The following KIAA1217 variants were observed in gnomAD, a reference collection of about 807,000 sequenced individuals.
The protein encoded by KIAA1217 is sickle tail protein homolog.
In KIAA1217, 88 loss-of-function variants were observed where a neutral mutation model predicts 163.9. The observed-to-expected ratio is 0.54, with a 90% confidence interval of 0.45 to 0.64. KIAA1217 has a LOEUF of 0.64. KIAA1217 is among the 30% of genes least tolerant of loss of function. The pLI is 0.00. For synonymous variants in KIAA1217, 903 were observed against 923.1 expected (o/e 0.98, Z 0.39); for missense variants, 2,372 against 2,475.0 (o/e 0.96, Z 0.88).
intron 2 of KIAA1217, among the ~76,000 whole-genome samples, chr10:24,155,607 G>A (rs957228249): frequency 8.5e-5 from 13 of 152,114 alleles, no homozygotes; most frequent in Non-Finnish European, 1.6e-4. Flanking sequence ...GATCACCTGA[G>A]GTCAGGAGTT....
rs779992994 is a variant in KIAA1217, at chr10:24,473,755, T to C, written c.1374T>C (p.Tyr458=). 3 of 1,613,852 alleles carry C rather than the reference T, an allele frequency of 1.9e-6. No individual in the cohort carries two copies. The highest frequency in any genetic ancestry group is 2.2e-5 in the South Asian group (2 of 91,076). ...QSLYRQKSRK[Y]PDSHLPTLGS... ...TGTACAGACAGAAATCAAGGAAATA[T>C]CCGGATAGCCATTTGCCTACACTGG... is the stretch of plus-strand genomic sequence containing the variant. The change falls in exon 6 of 21, where the codon TAT becomes TAC. Residue 458 remains tyrosine, a synonymous_variant. Coordinates refer to ENST00000376454, the MANE Select transcript of KIAA1217 (RefSeq NM_019590.5).
chr10:24,437,628 T>C (rs1218146226), intron 4 of KIAA1217, among the ~76,000 whole-genome samples: 1 of 152,240 alleles, frequency 6.6e-6, no homozygotes, highest in Non-Finnish European at 1.5e-5. Flanking sequence ...TAGATATTCA[T>C]GTGCTCTTCG....
chr10:24,417,561 G>A (rs1591762385), intron 3 of KIAA1217, among the ~76,000 whole-genome samples: 1 of 152,180 alleles, frequency 6.6e-6, no homozygotes, highest in African/African-American at 2.4e-5. Context: ...ATTTCCACGA[G>A]AGCATAGACT....
At chr10:24,133,319 C>T (rs2063721720) in intron 2 of KIAA1217, among the ~76,000 whole-genome samples, 1 of 152,136 alleles carries the variant, frequency 6.6e-6, no homozygotes, top group African/African-American at 2.4e-5. Context: ...ATGCTATAAT[C>T]TCAGCATTTT....
chr10:24,429,394 G>A (rs2059413330), intron 3 of KIAA1217, among the ~76,000 whole-genome samples: 1 of 152,076 alleles, frequency 6.6e-6, no homozygotes, highest in Non-Finnish European at 1.5e-5. Context: ...TATTGTTTTG[G>A]AAAACTCTGT....
rs531465424 is a variant in KIAA1217 at position 24,472,585 on chromosome 10, A to C, written c.847-643A>C. Among the ~76,000 whole-genome samples the C allele has an allele frequency of 7.2e-5, 11 of 152,318 alleles. No homozygotes were observed. In the South Asian group the frequency reaches 2.3e-3, roughly 32 times the overall value. On this transcript the variant is annotated intron_variant, in intron 5 of 20. Transcript: ENST00000376454. ...GCATTTATTAAGCAGCATCTCTAAG[A>C]AGCTGTGACATTAAAATTTAAGCCA...
chr10:24,417,398 G>A (rs1046039563), intron 3 of KIAA1217, among the ~76,000 whole-genome samples: 2 of 152,186 alleles, frequency 1.3e-5, no homozygotes, highest in African/African-American at 4.8e-5. Context: ...ATAGCTGCCC[G>A]TGAGCAGTGT....
intron 1 of KIAA1217, among the ~76,000 whole-genome samples, chr10:23,936,523 A>G (rs1843533779): frequency 6.6e-6 from 1 of 152,184 alleles, no homozygotes; most frequent in Non-Finnish European, 1.5e-5. Flanking sequence ...AAAGGAAGCA[A>G]AGGGAGATTC....
chr10:23,805,996 C>CAAAAAAAAAAAAAAAAAAAAAAAAAG (rs1836717990), intron 1 of KIAA1217, among the ~76,000 whole-genome samples: 1 of 30,512 alleles, frequency 3.3e-5, no homozygotes, highest in African/African-American at 1.4e-4. Context: ...AACTCCATCT[C>CAAAAAAAAAAAAAAAAAAAAAAAAAG]AAAAAAAAAA....
chr10:24,210,939 A>AT (rs2067997223), intron 1 of KIAA1217, among the ~76,000 whole-genome samples: 3 of 138,128 alleles, frequency 2.2e-5, no homozygotes, highest in Non-Finnish European at 4.7e-5. Flanking sequence ...GTAAACGGTG[A>AT]ATTTTTTTTT....
chr10:24,256,260 G>A (rs1248538657), intron 2 of KIAA1217, among the ~76,000 whole-genome samples: 2 of 152,128 alleles, frequency 1.3e-5, no homozygotes, highest in Non-Finnish European at 2.9e-5. Flanking sequence ...CTGGCTTGGA[G>A]CCCATAGTGG....
At position 24,013,127 on chromosome 10, in the gene KIAA1217, A is replaced by G. The variant is rs559671700; in HGVS notation, c.-171+5753A>G. On this transcript the variant is annotated intron_variant, in intron 2 of 18. Transcript: ENST00000376462. ...TGGTGCCATATTTTTTTGCATTTTTATGCCTTTTGCATGTTCAGTGGTGAT... is the reference window on the plus strand; with the variant it reads ...TGGTGCCATATTTTTTTGCATTTTTGTGCCTTTTGCATGTTCAGTGGTGAT... Among the ~76,000 whole-genome samples, 4 of 152,126 alleles carry G rather than the reference A, an allele frequency of 2.6e-5. No homozygotes were observed. The East Asian group carries it at 7.7e-4, about 29-fold the overall frequency.
rs115638084 is a variant in KIAA1217 at position 23,792,025 on chromosome 10, A to G, written c.-321+96791A>G. ...TGTGTTCTGTCTTGGAAAAATACTG[A>G]TATCTATGGAAAGTTTCATGACTTT... On this transcript the variant is annotated intron_variant, in intron 1 of 18. Coordinates refer to the KIAA1217 transcript ENST00000376462. Among the ~76,000 whole-genome samples, 964 of 152,314 alleles carry G rather than the reference A, an allele frequency of 6.3e-3. 8 individuals carry two copies. Among genetic ancestry groups the G allele is most frequent in the African/African-American group, 0.022 (915 of 41,564 alleles).
intron 2 of KIAA1217, among the ~76,000 whole-genome samples, chr10:24,138,631 C>A (rs1179944046): frequency 9.5e-5 from 12 of 126,098 alleles, no homozygotes; most frequent in African/African-American, 3.4e-4. Flanking sequence ...ATTTAGATTT[C>A]TTCCATTCAT....
At chr10:24,391,641 G>A (rs2055002915) in intron 3 of KIAA1217, among the ~76,000 whole-genome samples, 2 of 152,098 alleles carry the variant, frequency 1.3e-5, no homozygotes, top group Non-Finnish European at 2.9e-5. Context: ...CACCACACTT[G>A]GCCTAGGTTC....
At chr10:24,525,859 G>A (rs139458292) in intron 13 of KIAA1217, among the ~76,000 whole-genome samples, 10 of 152,144 alleles carry the variant, frequency 6.6e-5, no homozygotes, top group East Asian at 5.8e-4. Flanking sequence ...GCATGGTGGC[G>A]CGTGCCTGTA....
At chr10:24,399,059 G>A (rs571896472) in intron 3 of KIAA1217, among the ~76,000 whole-genome samples, 2 of 152,188 alleles carry the variant, frequency 1.3e-5, no homozygotes, top group Non-Finnish European at 1.5e-5. Flanking sequence ...CTGACTAGCT[G>A]CCTACCATAA....
intron 2 of KIAA1217, among the ~76,000 whole-genome samples, chr10:24,134,004 G>A (rs1476076762): frequency 6.6e-6 from 1 of 152,210 alleles, no homozygotes; most frequent in Admixed American, 6.5e-5. Context: ...GACTCTTGCT[G>A]ACACAGCTGA....
intron 5 of KIAA1217, among the ~76,000 whole-genome samples, chr10:24,463,647 A>AT (rs928886759): frequency 5.9e-5 from 9 of 152,222 alleles, no homozygotes; most frequent in South Asian, 4.1e-4. Flanking sequence ...AGCAAATGTA[A>AT]TTTTTTTAAA....
Sources: gnomAD v4.1 joint callset for allele counts (sites outside exome capture counted in the v4.1 genomes callset) on GRCh38, gnomAD v4.1.1 for gene constraint, MANE v1.5 for transcripts, NCBI Gene and HGNC (gene_info 2026-07-23, HGNC 2026-07-21) for gene names.